Variants in OSBPL10 observed in about 807,000 individuals in gnomAD.
OSBPL10 encodes the protein oxysterol-binding protein-related protein 10.
In OSBPL10, 49 loss-of-function variants were observed where a neutral mutation model predicts 81.7. That is an observed-to-expected ratio of 0.60 (90% CI 0.48 to 0.76). The LOEUF is 0.76. Ranked by LOEUF, OSBPL10 falls within the 30% of genes least tolerant of loss-of-function variation. The probability of loss-of-function intolerance (pLI) is 0.00; values close to 1 mark genes in which losing one functional copy is unlikely to be tolerated. For synonymous variants in OSBPL10, 419 were observed against 383.6 expected, an observed-to-expected ratio of 1.09 and a Z score of -1.08; for missense variants, 923 against 987.8, an observed-to-expected ratio of 0.93 and a Z score of 0.88.
At chr3:31,794,562 C>T (rs912648695) in intron 4 of OSBPL10, 2 of 363,178 alleles carry the variant, frequency 5.5e-6, no homozygotes, top group Non-Finnish European at 1.1e-5. Flanking sequence ...AATGGAGTCT[C>T]CTTAGTGAGG....
chr3:32,052,207 A>G (rs921032781), intron 1 of OSBPL10, among the ~76,000 whole-genome samples: 6 of 150,890 alleles, frequency 4.0e-5, no homozygotes, highest in Non-Finnish European at 8.8e-5. Context: ...AGATCACACC[A>G]CTCCACTCCA....
intron 1 of OSBPL10, among the ~76,000 whole-genome samples, chr3:31,885,902 G>T (rs1695720779): frequency 6.6e-6 from 1 of 150,428 alleles, no homozygotes; most frequent in Non-Finnish European, 1.5e-5. Flanking sequence ...GGCTGAGGCA[G>T]GAGAATCGCT....
chr3:31,815,518 G>A (rs985186600), intron 4 of OSBPL10, among the ~76,000 whole-genome samples: 5 of 152,128 alleles, frequency 3.3e-5, no homozygotes, highest in African/African-American at 2.4e-5. Context: ...CCTGGCAGGG[G>A]GGCAGAGAGG....
chr3:31,863,297 T>G (rs9862063), intron 3 of OSBPL10, among the ~76,000 whole-genome samples: 16,766 of 152,104 alleles, frequency 0.11, 2,153 homozygotes, highest in African/African-American at 0.31. Context: ...TGACAGTTCA[T>G]GGAAACAGGG....
intron 1 of OSBPL10, among the ~76,000 whole-genome samples, chr3:32,051,279 T>C (rs1273007454): frequency 6.6e-6 from 1 of 152,244 alleles, no homozygotes; most frequent in East Asian, 1.9e-4. Flanking sequence ...GAATTCAAAA[T>C]GGATAGATCC....
chr3:32,071,471 A>G (rs545068033), intron 1 of OSBPL10, among the ~76,000 whole-genome samples: 18 of 152,292 alleles, frequency 1.2e-4, no homozygotes, highest in Non-Finnish European at 2.4e-4. Flanking sequence ...AACCCTTTTC[A>G]TTACACACAG....
chr3:31,678,103 A>AAAAAC (rs1212061257), intron 8 of OSBPL10, among the ~76,000 whole-genome samples: 1 of 145,030 alleles, frequency 6.9e-6, no homozygotes, highest in African/African-American at 2.5e-5. Context: ...AAAAAAAAAA[A>AAAAAC]AAAAAGACAG....
intron 4 of OSBPL10, among the ~76,000 whole-genome samples, chr3:31,767,124 T>C (rs919693234): frequency 2.6e-5 from 4 of 152,216 alleles, no homozygotes; most frequent in Non-Finnish European, 5.9e-5. Flanking sequence ...TATACTTTCA[T>C]TAACTTTGTG....
intron 6 of OSBPL10, among the ~76,000 whole-genome samples, chr3:31,716,442 T>C (rs1404634713): frequency 1.3e-5 from 2 of 152,186 alleles, no homozygotes; most frequent in African/African-American, 4.8e-5. Context: ...TTGCTCCTCC[T>C]CCCTGCTCCC....
chr3:31,706,034 G>A (rs1379649518), intron 6 of OSBPL10, among the ~76,000 whole-genome samples: 1 of 152,122 alleles, frequency 6.6e-6, no homozygotes, highest in African/African-American at 2.4e-5. Flanking sequence ...AAGAGAAGCA[G>A]GCTTTGGAAA....
At chr3:31,798,239 G>A (rs1699287484) in intron 4 of OSBPL10, among the ~76,000 whole-genome samples, 1 of 152,034 alleles carries the variant, frequency 6.6e-6, no homozygotes, top group Non-Finnish European at 1.5e-5. Flanking sequence ...GAGACCAGCT[G>A]GCCAACATGA....
intron 1 of OSBPL10, among the ~76,000 whole-genome samples, chr3:31,932,410 C>A (rs1175715640): frequency 2.0e-5 from 3 of 152,040 alleles, no homozygotes; most frequent in African/African-American, 7.2e-5. Flanking sequence ...GGCTTAAGTA[C>A]CTTGATGCTG....
chr3:32,022,308 G>A (rs1367957937), intron 2 of OSBPL10, among the ~76,000 whole-genome samples: 4 of 152,194 alleles, frequency 2.6e-5, no homozygotes, highest in Non-Finnish European at 5.9e-5. Flanking sequence ...CAAACAGGGA[G>A]AATTGGGCAG....
At chr3:31,674,617 A>AGATAGAT (rs1700413594) in intron 8 of OSBPL10, among the ~76,000 whole-genome samples, 2 of 122,170 alleles carry the variant, frequency 1.6e-5, no homozygotes, top group Non-Finnish European at 3.3e-5. Context: ...ATAGATAGAT[A>AGATAGAT]GATAGATAGA....
intron 1 of OSBPL10, among the ~76,000 whole-genome samples, chr3:31,939,751 G>A (rs796104529): frequency 8.5e-5 from 13 of 152,216 alleles, no homozygotes; most frequent in African/African-American, 2.9e-4. Context: ...TATCTTGCTA[G>A]CCAATCTTTT....
At chr3:31,735,620 C>G (rs1697130170) in intron 5 of OSBPL10, among the ~76,000 whole-genome samples, 1 of 152,198 alleles carries the variant, frequency 6.6e-6, no homozygotes, top group Non-Finnish European at 1.5e-5. Flanking sequence ...AAGTTCATGA[C>G]AGTCTTAGAG....
At chr3:31,669,024 T>C (rs775653048) in intron 9 of OSBPL10, among the ~76,000 whole-genome samples, 200 bp from the exon 10 acceptor site, 3 of 152,092 alleles carry the variant, frequency 2.0e-5, no homozygotes, top group Non-Finnish European at 4.4e-5. Flanking sequence ...CTGGAAATAA[T>C]AGTGAAATCT....
At chr3:32,014,934 G>C (rs1028253343) in intron 2 of OSBPL10, among the ~76,000 whole-genome samples, 2 of 151,986 alleles carry the variant, frequency 1.3e-5, no homozygotes, top group Non-Finnish European at 2.9e-5. Flanking sequence ...CACTGCTCAA[G>C]GAAATAAAAG....
intron 1 of OSBPL10, among the ~76,000 whole-genome samples, chr3:32,048,253 C>A (rs1297086580): frequency 6.6e-6 from 1 of 151,964 alleles, no homozygotes; most frequent in Non-Finnish European, 1.5e-5. Context: ...ATTCAAGACC[C>A]CTGTTCCTAA....
Sources: gnomAD v4.1 joint callset for allele counts (sites outside exome capture counted in the v4.1 genomes callset) on GRCh38, gnomAD v4.1.1 for gene constraint, MANE v1.5 for transcripts, NCBI Gene and HGNC (gene_info 2026-07-23, HGNC 2026-07-21) for gene names.